The following ABI3BP variants were observed in gnomAD, a reference collection of about 807,000 sequenced individuals.
The protein encoded by ABI3BP is ABI family member 3 binding protein.
Under a neutral mutation model 268.6 loss-of-function variants are expected in ABI3BP, and 216 were observed. The observed-to-expected ratio is 0.80, with a 90% CI of 0.72 to 0.90. The LOEUF is 0.90. ABI3BP is among the 40% of genes least tolerant of loss of function. ABI3BP has a pLI of 0.00. For missense variants in ABI3BP, 2,090 were observed against 2,182.4 expected (o/e 0.96, Z 0.84); for synonymous variants, 730 against 730.0 (o/e 1.00, Z 0.00).
At chr3:100,870,718 T>A (rs1189871874) in intron 9 of ABI3BP, among the ~76,000 whole-genome samples, 1 of 152,130 alleles carries the variant, frequency 6.6e-6, no homozygotes, top group East Asian at 1.9e-4. Flanking sequence ...GGAAATGAAA[T>A]CAGCACCTCA....
At chr3:100,825,668 G>T in intron 35 of ABI3BP, 117 bp downstream of exon 35, 1 of 799,322 alleles carries the variant, frequency 1.3e-6, no homozygotes, top group South Asian at 1.5e-5. Context: ...CACAGGCAGT[G>T]ATGTTTGCTA....
In ABI3BP at chr3:100,754,623, C is replaced by G; in HGVS notation, c.4919G>C (p.Ser1640Thr). ...GTTGATGTAATTACCTGATTCAGTACTGAATGCCACTGTGTTGCTGACCGG... is the reference window on the plus strand; with the variant it reads ...GTTGATGTAATTACCTGATTCAGTAGTGAATGCCACTGTGTTGCTGACCGG... ...EGPVSNTVAF[S>T]TESADPRVSE... is the part of the protein sequence containing the mutation. The change falls in exon 64 of 68, where the codon AGT becomes ACT. Residue 1640 changes from serine (S) to threonine (T), a missense_variant. By Grantham distance (58) the Ser-to-Thr change is moderately conservative. Transcript: ENST00000471714. The G allele has an allele frequency of 6.3e-7, 1 of 1,584,776 alleles. No individual in the cohort carries two copies. The highest frequency in any genetic ancestry group is 8.6e-7 in the Non-Finnish European group (1 of 1,164,082).
chr3:100,751,440 T>TG, intron 67 of ABI3BP, 112 bp downstream of exon 67: 1 of 1,126,822 alleles, frequency 8.9e-7, no homozygotes, highest in Non-Finnish European at 1.1e-6. Flanking sequence ...CCTAGATATG[T>TG]GGAGCAGTAG....
At chr3:100,822,704 A>G (rs2098266013) in intron 37 of ABI3BP, 32 bp from the exon 38 acceptor site, 1 of 1,513,458 alleles carries the variant, frequency 6.6e-7, no homozygotes, top group South Asian at 1.2e-5. Context: ...TTACAACATA[A>G]CTGCATTATC....
At chr3:100,794,212 T>C (rs1190100482) in intron 54 of ABI3BP, among the ~76,000 whole-genome samples, 1 of 151,998 alleles carries the variant, frequency 6.6e-6, no homozygotes, top group Admixed American at 6.6e-5. Context: ...TCATTGTAAT[T>C]AGTATAACAT....
At chr3:100,787,588 T>C in intron 57 of ABI3BP, 140 bp downstream of exon 57, 1 of 659,548 alleles carries the variant, frequency 1.5e-6, no homozygotes, top group African/African-American at 1.8e-5. Flanking sequence ...GAATGAGTTA[T>C]AATTTTCAGT....
At chr3:100,930,995 G>A (rs556958362) in intron 1 of ABI3BP, 5 of 152,094 alleles carry the variant, frequency 3.3e-5, no homozygotes, top group African/African-American at 1.2e-4. Context: ...AATTTGCCAT[G>A]ATCAAGTAGG....
rs541480103 is a variant in ABI3BP, at chr3:100,982,162, C to T, written c.79+11144G>A. On this transcript the variant is annotated intron_variant, in intron 1 of 67. Transcript: ENST00000471714. ...CATCTCTCCTGAGAACTCACTATCA[C>T]GAGAACAGCGTGGGAGAAACCACCC... Among the ~76,000 whole-genome samples the T allele has an allele frequency of 8.9e-5, 12 of 135,034 alleles. No homozygotes were observed. In the South Asian group the frequency reaches 1.4e-3, roughly 16 times the overall value. 88.6% of individuals were successfully genotyped at this position (135,034 alleles called of 152,430 possible).
At chr3:100,824,065 T>C (rs1321041803) in intron 36 of ABI3BP, among the ~76,000 whole-genome samples, 1 of 152,164 alleles carries the variant, frequency 6.6e-6, no homozygotes, top group Non-Finnish European at 1.5e-5. Flanking sequence ...ACTCAGCCTG[T>C]AATAATCGGT....
chr3:100,949,356 A>G (rs185456153), intron 1 of ABI3BP, among the ~76,000 whole-genome samples: 27 of 152,288 alleles, frequency 1.8e-4, no homozygotes, highest in Admixed American at 1.6e-3. Context: ...TACAGGCTCA[A>G]GCAATTCTCG....
chr3:100,897,515 A>G (rs1215156055), intron 4 of ABI3BP, among the ~76,000 whole-genome samples: 1 of 152,206 alleles, frequency 6.6e-6, no homozygotes, highest in Non-Finnish European at 1.5e-5. Flanking sequence ...GATATCCGCA[A>G]TGTCATGAAT....
intron 28 of ABI3BP, 48 bp downstream of exon 28, chr3:100,835,553 G>C: frequency 7.1e-7 from 1 of 1,399,258 alleles, no homozygotes; most frequent in Non-Finnish European, 9.7e-7. Context: ...GAATAGACTA[G>C]ACAATGAGCA....
chr3:100,829,633 T>C lies in ABI3BP; in HGVS notation c.2490A>G (p.Pro830=), dbSNP rs1462670029. 5.2e-6 allele frequency: 8 copies of C among 1,535,762 alleles called. No homozygotes were observed. Among genetic ancestry groups the C allele is most frequent in the Non-Finnish European group, 5.2e-6 (6 of 1,146,520 alleles). ...APKVPQRTHR[P]HPKPKTTLSP... Reference sequence around the variant, plus strand: ...TCAGTGTGGTTTTAGGTTTGGGATGTGGACGATGAGTTCGTTGAGGCACTT... The same window carrying C: ...TCAGTGTGGTTTTAGGTTTGGGATGCGGACGATGAGTTCGTTGAGGCACTT... Residue 830 remains proline (P), a synonymous_variant, in exon 33 of 68, where the codon CCA becomes CCG. Transcript: ENST00000471714.
intron 14 of ABI3BP, among the ~76,000 whole-genome samples, chr3:100,861,875 A>G (rs915511222): frequency 6.6e-6 from 1 of 152,208 alleles, no homozygotes; most frequent in Non-Finnish European, 1.5e-5. Context: ...AAATTTTAGA[A>G]CTTACTATAC....
At chr3:100,832,175 AC>A in intron 31 of ABI3BP, 88 bp downstream of exon 31, 2 of 1,273,986 alleles carry the variant, frequency 1.6e-6, no homozygotes, top group Non-Finnish European at 2.2e-6. Context: ...TATATAGGGC[AC>A]AACACAATAG....
chr3:100,934,509 T>G (rs1375278114), intron 1 of ABI3BP, among the ~76,000 whole-genome samples: 2 of 152,152 alleles, frequency 1.3e-5, no homozygotes, highest in South Asian at 2.1e-4. Flanking sequence ...GTAATGGGAT[T>G]GCTGGGTCAA....
At chr3:100,771,396 A>G (rs576815643) in intron 61 of ABI3BP, among the ~76,000 whole-genome samples, 1 of 151,498 alleles carries the variant, frequency 6.6e-6, no homozygotes, top group Non-Finnish European at 1.5e-5. Flanking sequence ...GGAATAATTA[A>G]AAAAAAAATC....
chr3:100,840,241 G>T, intron 22 of ABI3BP, 77 bp from the exon 23 acceptor site: 1 of 1,140,326 alleles, frequency 8.8e-7, no homozygotes, highest in Non-Finnish European at 1.2e-6. Context: ...ATCCATCTTA[G>T]AAGGACATTT....
intron 1 of ABI3BP, among the ~76,000 whole-genome samples, chr3:100,990,203 T>C (rs2092695887): frequency 6.6e-6 from 1 of 152,220 alleles, no homozygotes; most frequent in African/African-American, 2.4e-5. Context: ...GATCATGTGT[T>C]ATTCGGTGTG....
Sources: allele counts gnomAD v4.1 joint callset (sites outside exome capture counted in the v4.1 genomes callset), GRCh38; gene constraint gnomAD v4.1.1; transcripts MANE v1.5; gene names NCBI Gene and HGNC (gene_info 2026-07-23, HGNC 2026-07-21).